Variants in STX8 observed in about 807,000 individuals in gnomAD.
The protein encoded by STX8 is syntaxin-8.
Under a neutral mutation model 37.5 loss-of-function variants are expected in STX8, and 23 were observed. That is an observed-to-expected ratio of 0.61 (90% confidence interval 0.44 to 0.87). The LOEUF (loss-of-function observed/expected upper bound fraction) is 0.87. Among genes scored for constraint, STX8 ranks in the 40% least tolerant of loss-of-function variants. The pLI is 0.00. For missense variants in STX8, 313 were observed against 284.7 expected, an observed-to-expected ratio of 1.10 and a Z score of -0.71; for synonymous variants, 115 against 99.1, an observed-to-expected ratio of 1.16 and a Z score of -0.95.
intron 7 of STX8, among the ~76,000 whole-genome samples, chr17:9,367,651 G>T (rs763433641): frequency 6.6e-6 from 1 of 152,230 alleles, no homozygotes; most frequent in African/African-American, 2.4e-5. Flanking sequence ...GAACACAGAA[G>T]TAAATGATGG....
chr17:9,520,891 A>T (rs1905316288), intron 4 of STX8, among the ~76,000 whole-genome samples: 1 of 152,208 alleles, frequency 6.6e-6, no homozygotes, highest in Non-Finnish European at 1.5e-5. Flanking sequence ...TCTGGAAAAA[A>T]TATCAGTGTT....
chr17:9,499,629 A>G (rs781027255), intron 5 of STX8, among the ~76,000 whole-genome samples: 1 of 152,068 alleles, frequency 6.6e-6, no homozygotes, highest in Non-Finnish European at 1.5e-5. Context: ...CGATCTCTTG[A>G]CCTTGTGATG....
intron 4 of STX8, among the ~76,000 whole-genome samples, chr17:9,516,300 T>TATAC (rs1905156361): frequency 2.4e-5 from 1 of 42,184 alleles, no homozygotes; most frequent in Admixed American, 2.1e-4. Flanking sequence ...ACCACAGTCA[T>TATAC]ATATATATAT....
At chr17:9,386,307 G>T (rs1474787030) in intron 6 of STX8, among the ~76,000 whole-genome samples, 1 of 152,098 alleles carries the variant, frequency 6.6e-6, no homozygotes, top group Non-Finnish European at 1.5e-5. Flanking sequence ...AAAAAGTTTT[G>T]TTGGCTAAAA....
chr17:9,557,644 G>C, intron 2 of STX8, 116 bp from the exon 3 acceptor site: 1 of 854,930 alleles, frequency 1.2e-6, no homozygotes, highest in East Asian at 2.8e-5. Flanking sequence ...GGCTGGAAGA[G>C]ATAGATACTC....
intron 4 of STX8, among the ~76,000 whole-genome samples, chr17:9,524,617 A>T (rs1356619285): frequency 2.0e-5 from 3 of 152,184 alleles, no homozygotes; most frequent in Non-Finnish European, 4.4e-5. Context: ...TCAATGAATA[A>T]TGCATACCAT....
chr17:9,521,873 C>T (rs752403413), intron 4 of STX8, among the ~76,000 whole-genome samples: 13 of 152,142 alleles, frequency 8.5e-5, no homozygotes, highest in Non-Finnish European at 1.3e-4. Context: ...ACTATAGCAC[C>T]TTTAAAATCT....
intron 4 of STX8, among the ~76,000 whole-genome samples, chr17:9,527,127 C>T (rs1215535765): frequency 7.3e-6 from 1 of 136,380 alleles, no homozygotes; most frequent in Admixed American, 7.7e-5. Context: ...TGCAGTGAGC[C>T]GAGATTGCGC....
intron 7 of STX8, among the ~76,000 whole-genome samples, chr17:9,358,340 C>T (rs777796384): frequency 4.6e-5 from 7 of 151,904 alleles, no homozygotes; most frequent in Non-Finnish European, 8.8e-5. Flanking sequence ...GGCAACTGAG[C>T]GAGACCCTGT....
In STX8 at chr17:9,251,737, G is replaced by C. The variant is rs142658225; in HGVS notation, c.644-1092C>G. On this transcript the variant is annotated intron_variant, in intron 7 of 7. Coordinates refer to ENST00000306357, the MANE Select transcript of STX8 (RefSeq NM_004853.3). ...AACATAAGAGTCCAATTTGCTTTCC[G>C]GTCCAAGTTCACGGGCTTCCCGAAT... Among the ~76,000 whole-genome samples, 563 of 152,324 alleles carry C rather than the reference G, an allele frequency of 3.7e-3. 4 individuals carry two copies. Among genetic ancestry groups the C allele is most frequent in the African/African-American group, 0.013 (532 of 41,568 alleles).
chr17:9,439,500 G>A (rs1339384513), intron 6 of STX8, among the ~76,000 whole-genome samples: 1 of 150,586 alleles, frequency 6.6e-6, no homozygotes, highest in East Asian at 1.9e-4. Flanking sequence ...ATAACTAATT[G>A]TTATGATCAC....
chr17:9,330,200 T>C, intron 7 of STX8, among the ~76,000 whole-genome samples: 1 of 152,318 alleles, frequency 6.6e-6, no homozygotes, highest in African/African-American at 2.4e-5. Flanking sequence ...TTAGTGTCTT[T>C]TGAAATGCGA....
intron 7 of STX8, among the ~76,000 whole-genome samples, chr17:9,261,784 C>T (rs564663434): frequency 6.6e-5 from 10 of 152,030 alleles, no homozygotes; most frequent in Non-Finnish European, 1.3e-4. Context: ...TTCTCTGGCA[C>T]GTCAATATTT....
At chr17:9,436,629 A>G (rs535075513) in intron 6 of STX8, among the ~76,000 whole-genome samples, 1 of 152,326 alleles carries the variant, frequency 6.6e-6, no homozygotes, top group East Asian at 1.9e-4. Flanking sequence ...TCAACATAAC[A>G]TGGTGGATGA....
At chr17:9,490,368 C>T (rs1287911743) in intron 6 of STX8, among the ~76,000 whole-genome samples, 8 of 122,920 alleles carry the variant, frequency 6.5e-5, no homozygotes, top group Admixed American at 2.5e-4. Context: ...CTTGCTCATA[C>T]ATGATAACTT....
chr17:9,313,422 C>A (rs1174847741), intron 7 of STX8, among the ~76,000 whole-genome samples: 2 of 152,172 alleles, frequency 1.3e-5, no homozygotes, highest in African/African-American at 4.8e-5. Context: ...TGAGGATTCA[C>A]AATCAGCACC....
At chr17:9,304,922 A>AT (rs1567776518) in intron 7 of STX8, among the ~76,000 whole-genome samples, 7 of 135,936 alleles carry the variant, frequency 5.1e-5, no homozygotes, top group African/African-American at 2.3e-4. Flanking sequence ...GGCGAAAAAA[A>AT]AAATATGTAT....
At chr17:9,349,433 G>A (rs1910633577) in intron 7 of STX8, among the ~76,000 whole-genome samples, 1 of 143,440 alleles carries the variant, frequency 7.0e-6, no homozygotes, top group South Asian at 2.1e-4. Context: ...TGATTCTCCT[G>A]CCTCAGTCTC....
Position 9,536,869 on chromosome 17 carries a change from G to A in STX8, c.323+8303C>T, listed in dbSNP as rs1012919655. Reference sequence around the variant, plus strand: ...AGAGATTCTCCTGCCTCAGCCTCCCGAATAGCTGGGATTACAAGCGCCCGC... The same window carrying A: ...AGAGATTCTCCTGCCTCAGCCTCCCAAATAGCTGGGATTACAAGCGCCCGC... On this transcript the variant is annotated intron_variant, in intron 4 of 7. Transcript: ENST00000306357. Among the ~76,000 whole-genome samples the A allele has an allele frequency of 5.9e-5, 9 of 151,824 alleles. No individual in the cohort carries two copies. The South Asian group carries it at 1.0e-3, about 18-fold the overall frequency.
Sources: allele counts gnomAD v4.1 joint callset (sites outside exome capture counted in the v4.1 genomes callset), GRCh38; gene constraint gnomAD v4.1.1; transcripts MANE v1.5; gene names NCBI Gene and HGNC (gene_info 2026-07-23, HGNC 2026-07-21).